SLC24A3: variants seen among roughly 807,000 people sequenced by gnomAD.
SLC24A3 encodes solute carrier family 24 member 3.
SLC24A3 carries 28 observed loss-of-function variants against 75.8 expected under a neutral mutation model. That is an observed-to-expected ratio of 0.37 (90% CI 0.27 to 0.51). SLC24A3 has a LOEUF of 0.51. Ranked by LOEUF, SLC24A3 falls within the 20% of genes least tolerant of loss-of-function variation. The pLI is 0.94. For missense variants in SLC24A3, 663 were observed against 847.8 expected (o/e 0.78, Z 2.71); for synonymous variants, 372 against 334.1 (o/e 1.11, Z -1.24).
At chr20:19,303,612 C>A (rs1310048286) in intron 2 of SLC24A3, among the ~76,000 whole-genome samples, 1 of 152,158 alleles carries the variant, frequency 6.6e-6, no homozygotes. Context: ...GTCTTTCTCA[C>A]TGTATCAGTT....
At chr20:19,680,655 T>C (rs531283186) in intron 9 of SLC24A3, among the ~76,000 whole-genome samples, 2 of 152,372 alleles carry the variant, frequency 1.3e-5, no homozygotes, top group Admixed American at 1.3e-4. Flanking sequence ...TGCAATGTAG[T>C]AACTGCACGT....
chr20:19,672,090 T>C (rs1328017170), intron 8 of SLC24A3, among the ~76,000 whole-genome samples: 1 of 151,980 alleles, frequency 6.6e-6, no homozygotes, highest in Non-Finnish European at 1.5e-5. Context: ...CTGGTGTGGA[T>C]AGAAATCACT....
rs79157456 is a variant in SLC24A3 at position 19,413,225 on chromosome 20, A to G, written c.272-102263A>G. ...TAGTTACATTTTCATAAGTCAGACC[A>G]TTTTCTGAAAACAGAAAGAAAATGG... On this transcript the variant is annotated intron_variant, in intron 2 of 16. Transcript: ENST00000328041. 4.5e-3 allele frequency among the ~76,000 whole-genome samples: 689 copies of G among 152,276 alleles called. 17 individuals carry two copies. In the East Asian group the frequency reaches 0.077, roughly 17 times the overall value.
intron 3 of SLC24A3, among the ~76,000 whole-genome samples, chr20:19,542,213 C>T (rs1037282991): frequency 1.5e-4 from 23 of 152,190 alleles, no homozygotes; most frequent in African/African-American, 5.5e-4. Flanking sequence ...GCAGTCCAAT[C>T]TTCACCTAGA....
intron 7 of SLC24A3, among the ~76,000 whole-genome samples, chr20:19,655,746 G>A (rs145728261): frequency 1.4e-4 from 21 of 152,198 alleles, no homozygotes; most frequent in Middle Eastern, 6.8e-3. Flanking sequence ...CAGGTTCTTG[G>A]GCCTTTGGAT....
intron 2 of SLC24A3, among the ~76,000 whole-genome samples, chr20:19,351,380 G>A (rs1985561621): frequency 6.6e-6 from 1 of 152,184 alleles, no homozygotes; most frequent in Non-Finnish European, 1.5e-5. Flanking sequence ...TGTGGGCTTA[G>A]CTGCTTTTCT....
At chr20:19,341,566 T>C (rs1055390824) in intron 2 of SLC24A3, among the ~76,000 whole-genome samples, 3 of 152,118 alleles carry the variant, frequency 2.0e-5, no homozygotes, top group Non-Finnish European at 4.4e-5. Flanking sequence ...CAGGGGTAAA[T>C]ATAGTGTCAC....
At chr20:19,412,635 G>GGA (rs1447328429) in intron 2 of SLC24A3, among the ~76,000 whole-genome samples, 43 of 151,068 alleles carry the variant, frequency 2.8e-4, no homozygotes, top group Non-Finnish European at 4.6e-4. Flanking sequence ...GGAGGAGGGG[G>GGA]GGAGGAGGAG....
intron 3 of SLC24A3, among the ~76,000 whole-genome samples, chr20:19,526,872 A>G (rs1269796989): frequency 6.6e-6 from 1 of 152,234 alleles, no homozygotes; most frequent in Non-Finnish European, 1.5e-5. Context: ...AATCCATGCC[A>G]GATGCTTTGA....
chr20:19,501,266 A>T (rs190614257), intron 2 of SLC24A3, among the ~76,000 whole-genome samples: 3 of 152,200 alleles, frequency 2.0e-5, no homozygotes, highest in Admixed American at 6.5e-5. Context: ...TATCATTTTC[A>T]TCTTAACTAA....
In SLC24A3 at chr20:19,353,066, G is replaced by C. The variant is rs138905743; in HGVS notation, c.271+71979G>C. Among the ~76,000 whole-genome samples the C allele has an allele frequency of 7.2e-5, 11 of 152,336 alleles. No individual in the cohort carries two copies. In the East Asian group the frequency reaches 2.1e-3, roughly 29 times the overall value. ...CACTGTCGTGCTATACAGGTTTGTAGCCTAGGAGCAATAGGCTATACCTCA... is the reference window on the plus strand; with the variant it reads ...CACTGTCGTGCTATACAGGTTTGTACCCTAGGAGCAATAGGCTATACCTCA... On this transcript the variant is annotated intron_variant, in intron 2 of 16. Coordinates refer to ENST00000328041, the MANE Select transcript of SLC24A3 (RefSeq NM_020689.4).
intron 2 of SLC24A3, among the ~76,000 whole-genome samples, chr20:19,414,190 A>G (rs551094862): frequency 1.3e-5 from 2 of 152,336 alleles, no homozygotes; most frequent in African/African-American, 2.4e-5. Flanking sequence ...GTAGAATGTC[A>G]TGTGCTACTC....
At chr20:19,525,064 A>G (rs1250911021) in intron 3 of SLC24A3, among the ~76,000 whole-genome samples, 1 of 152,204 alleles carries the variant, frequency 6.6e-6, no homozygotes, top group Non-Finnish European at 1.5e-5. Flanking sequence ...TCATGACTTG[A>G]GACTTCAGAA....
chr20:19,599,941 G>T (rs1216200646), intron 6 of SLC24A3, among the ~76,000 whole-genome samples: 1 of 152,156 alleles, frequency 6.6e-6, no homozygotes, highest in Non-Finnish European at 1.5e-5. Flanking sequence ...CGGAGTCAAA[G>T]CTCAGCCATG....
chr20:19,271,720 G>A (rs992418581), intron 1 of SLC24A3, among the ~76,000 whole-genome samples: 6 of 152,156 alleles, frequency 3.9e-5, no homozygotes, highest in African/African-American at 1.4e-4. Context: ...ATTATTCTCA[G>A]TGAAGTAACT....
At chr20:19,337,289 A>T (rs1311900374) in intron 2 of SLC24A3, among the ~76,000 whole-genome samples, 3 of 152,104 alleles carry the variant, frequency 2.0e-5, no homozygotes, top group Non-Finnish European at 4.4e-5. Flanking sequence ...TACTAAAAAT[A>T]CAAAATTAGC....
At chr20:19,533,469 G>A (rs936221051) in intron 3 of SLC24A3, among the ~76,000 whole-genome samples, 6 of 152,158 alleles carry the variant, frequency 3.9e-5, no homozygotes, top group Non-Finnish European at 5.9e-5. Context: ...TTCCATGGCC[G>A]TCTTTGAAAA....
chr20:19,639,937 C>A (rs2032054694), intron 6 of SLC24A3, among the ~76,000 whole-genome samples: 1 of 152,256 alleles, frequency 6.6e-6, no homozygotes, highest in East Asian at 1.9e-4. Context: ...AGTGCGGGGG[C>A]TGCCAAGACC....
At chr20:19,412,466 T>G in intron 2 of SLC24A3, among the ~76,000 whole-genome samples, 1 of 149,324 alleles carries the variant, frequency 6.7e-6, no homozygotes, top group African/African-American at 2.5e-5. Flanking sequence ...GAAGAGTAAA[T>G]AAGGAGAAGG....
Sources: gnomAD v4.1 joint callset for allele counts (sites outside exome capture counted in the v4.1 genomes callset) on GRCh38, gnomAD v4.1.1 for gene constraint, MANE v1.5 for transcripts, NCBI Gene and HGNC (gene_info 2026-07-23, HGNC 2026-07-21) for gene names.